SPOCK3: variants seen among roughly 807,000 people sequenced by gnomAD.
SPOCK3 encodes the protein testican-3.
Under a neutral mutation model 56.6 loss-of-function variants are expected in SPOCK3, and 30 were observed. The ratio of observed to expected loss-of-function variants is 0.53; its 90% CI spans 0.40 to 0.72. The LOEUF (loss-of-function observed/expected upper bound fraction) is 0.72. Ranked by LOEUF, SPOCK3 falls within the 30% of genes least tolerant of loss-of-function variation. The probability of loss-of-function intolerance (pLI) is 0.00; values close to 1 mark genes in which losing one functional copy is unlikely to be tolerated. For synonymous variants in SPOCK3, 196 were observed against 183.3 expected (o/e 1.07, Z -0.56); for missense variants, 527 against 530.0 (o/e 0.99, Z 0.06).
At chr4:167,061,316 A>C (rs2150244789) in intron 3 of SPOCK3, among the ~76,000 whole-genome samples, 1 of 152,108 alleles carries the variant, frequency 6.6e-6, no homozygotes, top group South Asian at 2.1e-4. Flanking sequence ...TTATTTTTTT[A>C]TTGCCTGTGT....
chr4:166,804,073 T>C (rs936407230), intron 6 of SPOCK3, among the ~76,000 whole-genome samples: 1 of 152,094 alleles, frequency 6.6e-6, no homozygotes, highest in African/African-American at 2.4e-5. Context: ...AAGGGGTGAA[T>C]GCAGCATTGC....
At chr4:167,159,043 A>T (rs2150434452) in intron 2 of SPOCK3, among the ~76,000 whole-genome samples, 1 of 152,106 alleles carries the variant, frequency 6.6e-6, no homozygotes, top group South Asian at 2.1e-4. Flanking sequence ...ACAATGATAT[A>T]TGTTAGCAAA....
chr4:167,044,703 A>T (rs1753558652), intron 3 of SPOCK3, among the ~76,000 whole-genome samples: 1 of 152,068 alleles, frequency 6.6e-6, no homozygotes, highest in Non-Finnish European at 1.5e-5. Flanking sequence ...TTGCTTAATC[A>T]ACACATACTT....
At chr4:166,936,849 A>G (rs1448489297) in intron 4 of SPOCK3, among the ~76,000 whole-genome samples, 1 of 152,128 alleles carries the variant, frequency 6.6e-6, no homozygotes, top group Non-Finnish European at 1.5e-5. Flanking sequence ...TTAAGGTTAT[A>G]TGATTCTCAC....
intron 6 of SPOCK3, among the ~76,000 whole-genome samples, chr4:166,853,674 G>A (rs1730368753): frequency 6.6e-6 from 1 of 152,160 alleles, no homozygotes; most frequent in South Asian, 2.1e-4. Context: ...CTTGAGGCCA[G>A]GAGTTCCAGA....
In SPOCK3 at chr4:167,176,277, T is replaced by C. The variant is rs757163693; in HGVS notation, c.189+57708A>G. The stretch of plus-strand genomic sequence containing the variant: ...CCCTTTTGCTATGTAAAGTAATATA[T>C]GCAGATTACAGGGATCAGGGCATGA... On this transcript the variant is annotated intron_variant, in intron 2 of 10. Transcript: ENST00000357545. Among the ~76,000 whole-genome samples, 6 of 152,156 alleles carry C rather than the reference T, an allele frequency of 3.9e-5. No homozygotes were observed. In the East Asian group the frequency reaches 5.8e-4, roughly 15 times the overall value.
intron 2 of SPOCK3, among the ~76,000 whole-genome samples, chr4:167,186,169 T>C (rs1293845920): frequency 6.6e-6 from 1 of 152,134 alleles, no homozygotes; most frequent in Non-Finnish European, 1.5e-5. Flanking sequence ...CAATTAATTA[T>C]AAAATATTAT....
intron 3 of SPOCK3, among the ~76,000 whole-genome samples, chr4:167,000,724 C>T (rs921003084): frequency 6.6e-6 from 1 of 152,132 alleles, no homozygotes; most frequent in Non-Finnish European, 1.5e-5. Context: ...AAAATAGAAA[C>T]TTTAAGACTC....
intron 2 of SPOCK3, among the ~76,000 whole-genome samples, chr4:167,140,758 T>C (rs976205757): frequency 1.3e-5 from 2 of 152,070 alleles, no homozygotes; most frequent in Non-Finnish European, 2.9e-5. Flanking sequence ...AGAAAAACTT[T>C]GTCTCAGCCC....
At chr4:166,868,862 C>G (rs923903338) in intron 6 of SPOCK3, among the ~76,000 whole-genome samples, 2 of 152,020 alleles carry the variant, frequency 1.3e-5, no homozygotes, top group Non-Finnish European at 2.9e-5. Flanking sequence ...CAAAATTTCT[C>G]TATTATCTTT....
At chr4:166,995,686 G>C (rs1257198688) in intron 4 of SPOCK3, among the ~76,000 whole-genome samples, 1 of 151,958 alleles carries the variant, frequency 6.6e-6, no homozygotes, top group Non-Finnish European at 1.5e-5. Flanking sequence ...ATAATGCTTA[G>C]TATAAAGCAT....
intron 2 of SPOCK3, among the ~76,000 whole-genome samples, chr4:167,155,689 C>T (rs951320640): frequency 6.6e-6 from 1 of 151,976 alleles, no homozygotes; most frequent in African/African-American, 2.4e-5. Flanking sequence ...AACAGGAAAA[C>T]ATAGAAAGGC....
chr4:166,844,464 C>A (rs76029788), intron 6 of SPOCK3, among the ~76,000 whole-genome samples: 1 of 152,088 alleles, frequency 6.6e-6, no homozygotes, highest in Non-Finnish European at 1.5e-5. Flanking sequence ...ATGCAATTAA[C>A]AATTAAATCA....
intron 6 of SPOCK3, among the ~76,000 whole-genome samples, chr4:166,861,336 T>C (rs1731229787): frequency 6.6e-6 from 1 of 152,030 alleles, no homozygotes; most frequent in African/African-American, 2.4e-5. Context: ...CTCTCTCTCT[T>C]TTTTTCTCTC....
At chr4:166,914,929 T>A (rs760575371) in intron 4 of SPOCK3, among the ~76,000 whole-genome samples, 9 of 152,098 alleles carry the variant, frequency 5.9e-5, no homozygotes, top group Non-Finnish European at 1.2e-4. Context: ...TAAATAAACA[T>A]GTTCATATTC....
chr4:166,847,682 A>ATATATATATATATATATATAT (rs1560926835), intron 6 of SPOCK3, among the ~76,000 whole-genome samples: 51 of 27,218 alleles, frequency 1.9e-3, no homozygotes, highest in South Asian at 5.1e-3. Context: ...TATATATATA[A>ATATATATATATATATATATAT]GAATCATGTT....
intron 7 of SPOCK3, among the ~76,000 whole-genome samples, chr4:166,776,998 A>C (rs1665914838): frequency 6.6e-6 from 1 of 152,212 alleles, no homozygotes; most frequent in African/African-American, 2.4e-5. Context: ...AAAAATGTGA[A>C]TATTACAAAC....
At chr4:166,762,383 T>G (rs1204428368) in intron 7 of SPOCK3, among the ~76,000 whole-genome samples, 1 of 152,128 alleles carries the variant, frequency 6.6e-6, no homozygotes, top group African/African-American at 2.4e-5. Flanking sequence ...ATTTCTGGTG[T>G]GCCCTTGATC....
At chr4:167,042,863 G>C (rs560024985) in intron 3 of SPOCK3, among the ~76,000 whole-genome samples, 163 of 152,252 alleles carry the variant, frequency 1.1e-3, no homozygotes, top group South Asian at 6.0e-3. Context: ...ATGCCAATAA[G>C]TGGGTTAAGG....
Sources: allele counts gnomAD v4.1 joint callset (sites outside exome capture counted in the v4.1 genomes callset), GRCh38; gene constraint gnomAD v4.1.1; transcripts MANE v1.5; gene names NCBI Gene and HGNC (gene_info 2026-07-23, HGNC 2026-07-21).